The following AK7 variants were observed in gnomAD, a reference collection of about 807,000 sequenced individuals.
AK7 encodes ATP-AMP transphosphorylase 7.
In AK7, 78 loss-of-function variants were observed where a neutral mutation model predicts 96.6. The ratio of observed to expected loss-of-function variants is 0.81; its 90% confidence interval spans 0.67 to 0.97. AK7 has a LOEUF of 0.97. AK7 is among the 50% of genes least tolerant of loss of function. The pLI is 0.00. For missense variants in AK7, 855 were observed against 887.9 expected (o/e 0.96, Z 0.47); for synonymous variants, 302 against 317.2 (o/e 0.95, Z 0.51).
chr14:96,456,556 A>G (rs1893924392), intron 11 of AK7, 81 bp downstream of exon 11: 3 of 1,503,306 alleles, frequency 2.0e-6, no homozygotes, highest in Non-Finnish European at 2.7e-6. Context: ...TATGATTCGA[A>G]TTAGCCAGCT....
intron 4 of AK7, among the ~76,000 whole-genome samples, chr14:96,420,424 G>A (rs2140038759): frequency 6.6e-6 from 1 of 152,066 alleles, no homozygotes; most frequent in East Asian, 2.0e-4. Flanking sequence ...GAACCTGGGA[G>A]GTGGAGGTTG....
intron 2 of AK7, among the ~76,000 whole-genome samples, chr14:96,401,986 T>A (rs763743026): frequency 3.3e-5 from 5 of 152,106 alleles, no homozygotes; most frequent in Non-Finnish European, 7.4e-5. Context: ...AGGGCGTGAG[T>A]AGGGGCTGAA....
chr14:96,414,208 C>T (rs1437570093), intron 4 of AK7, among the ~76,000 whole-genome samples: 3 of 152,230 alleles, frequency 2.0e-5, no homozygotes, highest in African/African-American at 7.2e-5. Context: ...CCAGAATTAC[C>T]TCTGGGGCTG....
intron 4 of AK7, among the ~76,000 whole-genome samples, chr14:96,413,152 G>T (rs74614718): frequency 2.6e-5 from 4 of 152,162 alleles, no homozygotes; most frequent in Non-Finnish European, 5.9e-5. Context: ...ACCTATTGTT[G>T]ATGCTACAGA....
chr14:96,438,972 T>C (rs1892803760), intron 6 of AK7, among the ~76,000 whole-genome samples: 1 of 152,194 alleles, frequency 6.6e-6, no homozygotes, highest in East Asian at 1.9e-4. Flanking sequence ...GATTTTGGTC[T>C]AAGCAACTAG....
At chr14:96,437,164 A>G (rs1232618894) in intron 5 of AK7, among the ~76,000 whole-genome samples, 1 of 152,198 alleles carries the variant, frequency 6.6e-6, no homozygotes, top group Non-Finnish European at 1.5e-5. Flanking sequence ...GGGAGACTAT[A>G]GTCAGTAATA....
intron 12 of AK7, among the ~76,000 whole-genome samples, chr14:96,469,461 G>T (rs1226551550): frequency 1.3e-5 from 2 of 152,104 alleles, no homozygotes; most frequent in Admixed American, 6.6e-5. Context: ...GGAGACAGAG[G>T]TTGCAGTGAG....
intron 4 of AK7, among the ~76,000 whole-genome samples, chr14:96,413,156 C>T (rs1414158228): frequency 6.6e-6 from 1 of 152,140 alleles, no homozygotes; most frequent in Non-Finnish European, 1.5e-5. Context: ...ATTGTTGATG[C>T]TACAGAGCCA....
At chr14:96,404,918 C>T in intron 3 of AK7, 53 bp downstream of exon 3, 1 of 1,322,508 alleles carries the variant, frequency 7.6e-7, no homozygotes, top group Non-Finnish European at 1.1e-6. Context: ...GTGCTGCCTA[C>T]TTCACCTAAT....
chr14:96,485,640 A>T, intron 16 of AK7, among the ~76,000 whole-genome samples: 1 of 152,042 alleles, frequency 6.6e-6, no homozygotes, highest in Non-Finnish European at 1.5e-5. Context: ...TTAATTCATG[A>T]TTTATTTTTT....
chr14:96,423,666 A>C (rs1891844766), intron 5 of AK7: 2 of 644,776 alleles, frequency 3.1e-6, no homozygotes, highest in Non-Finnish European at 2.9e-6. Context: ...CGGGGCCTCC[A>C]GGACGGTTCA....
chr14:96,455,889 G>A (rs1223937717), intron 10 of AK7, among the ~76,000 whole-genome samples: 1 of 152,056 alleles, frequency 6.6e-6, no homozygotes, highest in Non-Finnish European at 1.5e-5. Context: ...GCGTGACTCT[G>A]GAGTCTCCAC....
At chr14:96,400,826 T>A (rs1052876918) in intron 2 of AK7, among the ~76,000 whole-genome samples, 1 of 152,236 alleles carries the variant, frequency 6.6e-6, no homozygotes, top group Non-Finnish European at 1.5e-5. Flanking sequence ...AAGAGGGAGT[T>A]AATTTCCCGC....
At chr14:96,466,777 T>C (rs924944485) in intron 12 of AK7, among the ~76,000 whole-genome samples, 2 of 152,112 alleles carry the variant, frequency 1.3e-5, no homozygotes, top group Non-Finnish European at 2.9e-5. Flanking sequence ...ATTTTCCTAA[T>C]AGAAAACAAC....
At chr14:96,440,460 A>G (rs954848785) in intron 6 of AK7, among the ~76,000 whole-genome samples, 1 of 151,994 alleles carries the variant, frequency 6.6e-6, no homozygotes, top group Non-Finnish European at 1.5e-5. Context: ...GTTTATTCCT[A>G]TGACTGATAC....
rs1410663762 is a variant in AK7 at position 96,442,714 on chromosome 14, C to T, written c.691-16C>T. 1 of 1,610,354 alleles carries T rather than the reference C, an allele frequency of 6.2e-7. No individual in the cohort carries two copies. Among genetic ancestry groups the T allele is most frequent in the South Asian group, 1.1e-5 (1 of 90,982 alleles). The stretch of plus-strand genomic sequence containing the variant: ...CATATAACTGGGGGACATGATTTTG[C>T]TTTTCTTCCTTTCAGATGGCTTGGT... On this transcript the variant is annotated splice_polypyrimidine_tract_variant and intron_variant, in intron 6 of 17. Coordinates refer to ENST00000267584, the MANE Select transcript of AK7 (RefSeq NM_152327.5).
intron 5 of AK7, among the ~76,000 whole-genome samples, chr14:96,424,386 T>C (rs1204387548): frequency 1.3e-5 from 2 of 152,270 alleles, no homozygotes; most frequent in East Asian, 3.8e-4. Flanking sequence ...TAGTATCTCA[T>C]GAGTTCTCAG....
At chr14:96,423,182 C>T (rs773794494) in intron 5 of AK7, among the ~76,000 whole-genome samples, 24 of 152,182 alleles carry the variant, frequency 1.6e-4, no homozygotes, top group Non-Finnish European at 2.5e-4. Context: ...GAGATACTGA[C>T]GCCTATTAAG....
intron 14 of AK7, among the ~76,000 whole-genome samples, chr14:96,476,271 C>T (rs1015468915): frequency 1.3e-5 from 2 of 152,046 alleles, no homozygotes; most frequent in South Asian, 2.1e-4. Flanking sequence ...TTTGGGAGGC[C>T]GAGGTGGGCA....
Sources: allele counts gnomAD v4.1 joint callset (sites outside exome capture counted in the v4.1 genomes callset), GRCh38; gene constraint gnomAD v4.1.1; transcripts MANE v1.5; gene names NCBI Gene and HGNC (gene_info 2026-07-23, HGNC 2026-07-21).